The following SHLD1 variants were observed in gnomAD, a reference collection of about 807,000 sequenced individuals.
The protein encoded by SHLD1 is shieldin complex subunit 1, also known as RINN1-REV7-interacting novel NHEJ regulator 3.
In SHLD1, 3 loss-of-function variants were observed where a neutral mutation model predicts 5.5. That is an observed-to-expected ratio of 0.54 (90% CI 0.25 to 1.40). SHLD1 has a LOEUF of 1.40. Among genes scored for constraint, SHLD1 ranks in the 40% most tolerant of loss-of-function variants. SHLD1 has a pLI of 0.15. For missense variants in SHLD1, 210 were observed against 244.4 expected (o/e 0.86, Z 0.94); for synonymous variants, 92 against 94.3 (o/e 0.98, Z 0.14).
intron 2 of SHLD1, among the ~76,000 whole-genome samples, chr20:5,813,415 AGGAGGT>A (rs2087486848): frequency 6.6e-6 from 1 of 152,142 alleles, no homozygotes. Context: ...GTTTGAACCC[AGGAGGT>A]GGAGGTGCAG....
chr20:5,750,709 G>GTT (rs149517220), intron 1 of SHLD1, among the ~76,000 whole-genome samples: 4,248 of 150,952 alleles, frequency 0.028, 204 homozygotes, highest in African/African-American at 0.096. Flanking sequence ...CGGTTTTGTT[G>GTT]TTTTTTTTTA....
At chr20:5,840,737 C>A (rs895052149) in intron 2 of SHLD1, among the ~76,000 whole-genome samples, 1 of 152,218 alleles carries the variant, frequency 6.6e-6, no homozygotes. Flanking sequence ...TGCAGCTCTC[C>A]TAACAATGAT....
Position 5,792,742 on chromosome 20 carries a change from C to T in SHLD1, c.178+19699C>T, listed in dbSNP as rs147779170. Among the ~76,000 whole-genome samples, 1,481 of 151,620 alleles carry T rather than the reference C, an allele frequency of 9.8e-3. 22 individuals are homozygous for T. Among genetic ancestry groups the T allele is most frequent in the African/African-American group, 0.034 (1,397 of 41,192 alleles). ...AGGCTGGAGTCCAGTGGCATGATCC[C>T]GGCTCACTGTAGCCTCTGGCTCCTG... On this transcript the variant is annotated intron_variant, in intron 2 of 2. Transcript: ENST00000303142.
At chr20:5,844,800 T>TA (rs1491104211) in intron 2 of SHLD1, among the ~76,000 whole-genome samples, 156 of 70,096 alleles carry the variant, frequency 2.2e-3, no homozygotes, top group East Asian at 4.0e-3. Flanking sequence ...TATATATATA[T>TA]TTTTTTTTTT....
chr20:5,861,517 G>T (rs2088162757), intron 2 of SHLD1, among the ~76,000 whole-genome samples: 2 of 152,302 alleles, frequency 1.3e-5, no homozygotes, highest in South Asian at 4.2e-4. Context: ...TCCATGTGTA[G>T]GCCTGCGTGT....
rs1047423811 is a variant in SHLD1, at chr20:5,855,443, C to T, written c.179-7581C>T. On this transcript the variant is annotated intron_variant, in intron 2 of 2. Transcript: ENST00000303142. This position sits in a 1 kb window ranked among gnomAD's most constrained non-coding sequence, Gnocchi z 4.4. ...CTGGAGTACAGTGGGATGATCTTGGCTCATGGCAACCTCCACCTCCCGCGT... is the reference window on the plus strand; with the variant it reads ...CTGGAGTACAGTGGGATGATCTTGGTTCATGGCAACCTCCACCTCCCGCGT... Among the ~76,000 whole-genome samples, 4 of 152,146 alleles carry T rather than the reference C, an allele frequency of 2.6e-5. No individual in the cohort carries two copies. The highest frequency in any genetic ancestry group is 5.9e-5 in the Non-Finnish European group (4 of 68,032).
intron 2 of SHLD1, among the ~76,000 whole-genome samples, chr20:5,818,395 C>A (rs1221017703): frequency 6.6e-6 from 1 of 152,136 alleles, no homozygotes; most frequent in African/African-American, 2.4e-5. Context: ...AGTTTTATAG[C>A]CATTTATAGC....
intron 2 of SHLD1, among the ~76,000 whole-genome samples, chr20:5,834,637 C>T (rs1476659175): frequency 6.6e-6 from 1 of 152,166 alleles, no homozygotes; most frequent in Non-Finnish European, 1.5e-5. Context: ...GTTCTGTGGG[C>T]TAGATACTGT....
intron 2 of SHLD1, among the ~76,000 whole-genome samples, chr20:5,857,641 T>C (rs2088106220): frequency 6.6e-6 from 1 of 151,784 alleles, no homozygotes; most frequent in African/African-American, 2.4e-5. Flanking sequence ...AAACCCCGTC[T>C]CTACAAAAAA....
At chr20:5,755,709 A>G (rs1354440463) in intron 1 of SHLD1, among the ~76,000 whole-genome samples, 4 of 151,780 alleles carry the variant, frequency 2.6e-5, no homozygotes, top group Admixed American at 6.6e-5. Context: ...ACAGGCACGC[A>G]CCACCGCGCC....
At position 5,793,256 on chromosome 20, in the gene SHLD1, G is replaced by A. The variant is rs6038285; in HGVS notation, c.178+20213G>A. ...AATTGTTTTTGCTATTTGGAGGTCT[G>A]TATGTATTCTTTTTTGATGTACCTA... On this transcript the variant is annotated intron_variant, in intron 2 of 2. Coordinates refer to ENST00000303142, the MANE Select transcript of SHLD1 (RefSeq NM_152504.4). Among the ~76,000 whole-genome samples the A allele has an allele frequency of 1.6e-4, 24 of 152,192 alleles. No homozygotes were observed. In the East Asian group the frequency reaches 2.7e-3, roughly 17 times the overall value.
At chr20:5,800,754 C>T (rs1228467564) in intron 2 of SHLD1, among the ~76,000 whole-genome samples, 1 of 152,140 alleles carries the variant, frequency 6.6e-6, no homozygotes, top group East Asian at 1.9e-4. Context: ...ACACCAGTTC[C>T]ATCCCTTTTC....
At chr20:5,763,773 G>A (rs1984611593) in intron 1 of SHLD1, among the ~76,000 whole-genome samples, 1 of 151,886 alleles carries the variant, frequency 6.6e-6, no homozygotes, top group African/African-American at 2.4e-5. Context: ...ATTGAGACCT[G>A]TCTCAGATAC....
intron 2 of SHLD1, among the ~76,000 whole-genome samples, chr20:5,852,979 G>A (rs1382615730): frequency 2.0e-5 from 3 of 152,152 alleles, no homozygotes; most frequent in Non-Finnish European, 4.4e-5. Flanking sequence ...TTCCACAAAT[G>A]TACCAAGTTC....
At position 5,811,496 on chromosome 20, in the gene SHLD1, G is replaced by A. The variant is rs184323648; in HGVS notation, c.178+38453G>A. 3.6e-3 allele frequency among the ~76,000 whole-genome samples: 551 copies of A among 152,134 alleles called. 5 individuals carry two copies. Among genetic ancestry groups the A allele is most frequent in the Non-Finnish European group, 5.0e-3 (342 of 67,992 alleles). On this transcript the variant is annotated intron_variant, in intron 2 of 2. Coordinates refer to ENST00000303142, the MANE Select transcript of SHLD1 (RefSeq NM_152504.4). ...AAATAATGTATTTCTGACATTAAGT[G>A]TATTAGGACCAGACTGGTGTCTTCT... is the stretch of plus-strand genomic sequence containing the variant.
intron 2 of SHLD1, among the ~76,000 whole-genome samples, chr20:5,860,618 G>A (rs181404842): frequency 2.0e-5 from 3 of 152,090 alleles, no homozygotes; most frequent in Admixed American, 2.0e-4. Context: ...GGCTGTCATG[G>A]CTGTTTTAGC....
At chr20:5,850,454 C>T (rs2087993484) in intron 2 of SHLD1, among the ~76,000 whole-genome samples, 1 of 151,804 alleles carries the variant, frequency 6.6e-6, no homozygotes, top group Non-Finnish European at 1.5e-5. Flanking sequence ...CTTTCTTCCT[C>T]GACCTGGTCT....
chr20:5,764,991 T>C (rs1465089337), intron 1 of SHLD1: 1 of 152,222 alleles, frequency 6.6e-6, no homozygotes, highest in Non-Finnish European at 1.5e-5. Context: ...CAGGTTTTTA[T>C]GCCCTATACT....
At chr20:5,853,475 CGT>C (rs931878291) in intron 2 of SHLD1, among the ~76,000 whole-genome samples, 1 of 151,554 alleles carries the variant, frequency 6.6e-6, no homozygotes, top group Non-Finnish European at 1.5e-5. Flanking sequence ...ATAAACAAAT[CGT>C]GTGTGTGTGT....
Sources: gnomAD v4.1 joint callset for allele counts (sites outside exome capture counted in the v4.1 genomes callset) on GRCh38, gnomAD v4.1.1 for gene constraint, Gnocchi (gnomAD v3.1) non-coding constraint, MANE v1.5 for transcripts, NCBI Gene and HGNC (gene_info 2026-07-23, HGNC 2026-07-21) for gene names.